STS: variants seen among roughly 807,000 people sequenced by gnomAD.
The protein encoded by STS is steryl-sulfatase.
STS carries 7 observed loss-of-function variants against 26.8 expected under a neutral mutation model. The observed-to-expected ratio is 0.26, with a 90% CI of 0.15 to 0.49. The LOEUF is 0.49. Ranked by LOEUF, STS falls within the 20% of genes least tolerant of loss-of-function variation. STS has a pLI of 0.98. For missense variants in STS, 434 were observed against 465.6 expected, an observed-to-expected ratio of 0.93 and a Z score of 0.63; for synonymous variants, 199 against 189.4, an observed-to-expected ratio of 1.05 and a Z score of -0.42.
At chrX:7,189,327 C>A (rs1244865117) in intron 1 of STS, among the ~76,000 whole-genome samples, 1 of 111,391 alleles carries the variant, frequency 9.0e-6, no homozygotes, top group East Asian at 2.8e-4. Context: ...TCTTTTGAGA[C>A]CCATTTTCTA....
At chrX:7,177,384 T>A (rs929990076) in intron 1 of STS, among the ~76,000 whole-genome samples, 3 of 89,701 alleles carry the variant, frequency 3.3e-5, no homozygotes, top group Non-Finnish European at 4.3e-5. Context: ...AAACAAGTAA[T>A]GTGAACATGA....
At position 7,354,106 on chromosome X, in the gene STS, C is replaced by A. The variant is rs370901968; in HGVS notation, c.*3845C>A. ...GTTTAGCAAGAACACCTAACCCCCCCATATCTGTTCAACCTCAGTATCTGA... is the reference window on the plus strand; with the variant it reads ...GTTTAGCAAGAACACCTAACCCCCCAATATCTGTTCAACCTCAGTATCTGA... On this transcript the variant is annotated 3_prime_UTR_variant, in exon 11 of 11. Coordinates refer to ENST00000674429, the MANE Select transcript of STS (RefSeq NM_001320752.2). 2 of 111,499 alleles carry A rather than the reference C, an allele frequency of 1.8e-5. No homozygotes were observed. The highest frequency in any genetic ancestry group is 5.7e-4 in the East Asian group (2 of 3,510). The allele number at this position is 111,499 out of a possible 1,213,427, so 9.2% of individuals were successfully genotyped here. A position where few individuals can be genotyped will look rare whatever the true frequency, so the allele number is the denominator to read the frequency against.
chrX:7,305,042 C>T lies in STS; in HGVS notation c.944-4C>T, dbSNP rs1488289242. ...TTTTTAAATGGAGTCTTTTTCCCCT[C>T]CAGGGCAGATCTTGAACCTTCTGGA... On this transcript the variant is annotated splice_region_variant and splice_polypyrimidine_tract_variant and intron_variant, in intron 7 of 10. Coordinates refer to ENST00000674429, the MANE Select transcript of STS (RefSeq NM_001320752.2). 68 of 1,210,742 alleles carry T rather than the reference C, an allele frequency of 5.6e-5. No homozygotes were observed. The highest frequency in any genetic ancestry group is 7.6e-5 in the Non-Finnish European group (68 of 894,696).
chrX:7,187,772 T>C (rs1933800439), intron 1 of STS, among the ~76,000 whole-genome samples: 1 of 111,828 alleles, frequency 8.9e-6, no homozygotes, highest in Admixed American at 9.5e-5. Flanking sequence ...AAAATGGGCA[T>C]TACAAAAATC....
At chrX:7,155,184 C>T (rs1933108025) in intron 1 of STS, among the ~76,000 whole-genome samples, 1 of 111,430 alleles carries the variant, frequency 9.0e-6, no homozygotes, top group South Asian at 3.8e-4. Context: ...TTTTTTAACA[C>T]AACAGTTCCC....
chrX:7,302,748 C>T (rs1926027250), intron 7 of STS, among the ~76,000 whole-genome samples: 1 of 111,819 alleles, frequency 8.9e-6, no homozygotes, highest in Admixed American at 9.5e-5. Context: ...CTTTTCGGGA[C>T]CAAGTGGGTG....
rs1405347396 is a variant in STS, at chrX:7,204,058, T to C, written c.-5+13050T>C. Among the ~76,000 whole-genome samples, 6 of 112,109 alleles carry C rather than the reference T, an allele frequency of 5.4e-5. No individual in the cohort carries two copies. The East Asian group carries it at 1.7e-3, about 31-fold the overall frequency. Reference sequence around the variant, plus strand: ...CACTTGGCCTCCCAAAGTGCTGGGATTACAGGCATGAGCCACTGCACCTGG... The same window carrying C: ...CACTTGGCCTCCCAAAGTGCTGGGACTACAGGCATGAGCCACTGCACCTGG... On this transcript the variant is annotated intron_variant, in intron 2 of 10. Coordinates refer to ENST00000674429, the MANE Select transcript of STS (RefSeq NM_001320752.2).
intron 2 of STS, among the ~76,000 whole-genome samples, chrX:7,193,050 A>T (rs1933906901): frequency 8.9e-6 from 1 of 112,497 alleles, no homozygotes; most frequent in Admixed American, 9.4e-5. Context: ...AAGAGAACAA[A>T]AGGACAATGA....
At chrX:7,347,305 A>C (rs1343544200) in intron 10 of STS, among the ~76,000 whole-genome samples, 1 of 111,963 alleles carries the variant, frequency 8.9e-6, no homozygotes, top group African/African-American at 3.3e-5. Context: ...GTAAATCTAA[A>C]GTGGTCCAGA....
intron 8 of STS, among the ~76,000 whole-genome samples, chrX:7,309,084 T>C (rs1926357164): frequency 9.0e-6 from 1 of 111,633 alleles, no homozygotes; most frequent in Admixed American, 9.6e-5. Flanking sequence ...ATCTCGGTAT[T>C]TGAACTTAAT....
chrX:7,305,176 C>A lies in STS; in HGVS notation c.1074C>A (p.Ile358=). 3 of 1,210,232 alleles carry A rather than the reference C, an allele frequency of 2.5e-6. No individual in the cohort carries two copies. Among genetic ancestry groups the A allele is most frequent in the South Asian group, 3.5e-5 (2 of 56,953 alleles). ...AAATTCATGGCGGAAGTAATGGGAT[C>A]TATAAAGGTGAGAAATGCTGGGATG... ...KGEIHGGSNG[I]YKGGKANNWE... The change falls in exon 8 of 11, where the codon ATC becomes ATA. Residue 358 remains isoleucine, a synonymous_variant. Coordinates refer to ENST00000674429, the MANE Select transcript of STS (RefSeq NM_001320752.2).
chrX:7,318,710 T>C (rs1477729493), intron 8 of STS, among the ~76,000 whole-genome samples: 1 of 111,290 alleles, frequency 9.0e-6, no homozygotes, highest in African/African-American at 3.3e-5. Flanking sequence ...TTGTTAACAC[T>C]AGCTGCAGAT....
At chrX:7,160,317 T>C (rs1268802693) in intron 1 of STS, among the ~76,000 whole-genome samples, 4 of 112,527 alleles carry the variant, frequency 3.6e-5, no homozygotes, top group Admixed American at 1.9e-4. Context: ...TCAAAGTTTA[T>C]ACATTTTTTA....
At chrX:7,248,747 A>AT (rs1333115229) in intron 2 of STS, among the ~76,000 whole-genome samples, 19 of 111,596 alleles carry the variant, frequency 1.7e-4, no homozygotes, top group Admixed American at 4.8e-4. Context: ...CATCTTAACC[A>AT]TTTTTAAGTG....
At chrX:7,312,931 A>C (rs1465765516) in intron 8 of STS, among the ~76,000 whole-genome samples, 1 of 112,337 alleles carries the variant, frequency 8.9e-6, no homozygotes, top group African/African-American at 3.2e-5. Context: ...ATGGGACCAG[A>C]ATAACTTCCT....
At chrX:7,202,912 C>G (rs780297175) in intron 2 of STS, among the ~76,000 whole-genome samples, 1 of 110,849 alleles carries the variant, frequency 9.0e-6, no homozygotes, top group Non-Finnish European at 1.9e-5. Context: ...CTCTGTGTGT[C>G]TCTCTGTGTC....
Position 7,259,790 on chromosome X carries a change from C to G in STS, c.806+18C>G. Reference sequence around the variant, plus strand: ...ATACAGCGGTGGGTATTGCCTTGTCCTCTGATGCTGCCTGTTAAAAAACAT... The same window carrying G: ...ATACAGCGGTGGGTATTGCCTTGTCGTCTGATGCTGCCTGTTAAAAAACAT... On this transcript the variant is annotated intron_variant, in intron 6 of 10. Coordinates refer to ENST00000674429, the MANE Select transcript of STS (RefSeq NM_001320752.2). The G allele has an allele frequency of 8.3e-7, 1 of 1,205,283 alleles. No homozygotes were observed. The highest frequency in any genetic ancestry group is 1.1e-6 in the Non-Finnish European group (1 of 892,491).
At chrX:7,252,407 C>A in intron 2 of STS, 1 of 427,123 alleles carries the variant, frequency 2.3e-6, no homozygotes, top group Non-Finnish European at 2.9e-6. Flanking sequence ...CCAAGCCAGG[C>A]CTCTCTCTGG....
At chrX:7,286,740 G>T (rs1156287630) in intron 7 of STS, among the ~76,000 whole-genome samples, 2 of 111,589 alleles carry the variant, frequency 1.8e-5, no homozygotes, top group Non-Finnish European at 3.8e-5. Context: ...TTTAAAAACC[G>T]CCAGTTACAT....
Sources: allele counts gnomAD v4.1 joint callset (sites outside exome capture counted in the v4.1 genomes callset), GRCh38; gene constraint gnomAD v4.1.1; transcripts MANE v1.5; gene names NCBI Gene and HGNC (gene_info 2026-07-23, HGNC 2026-07-21).